The following CLASP1 variants were observed in gnomAD, a reference collection of about 807,000 sequenced individuals.
The protein encoded by CLASP1 is CLIP-associating protein 1.
In CLASP1, 38 loss-of-function variants were observed where a neutral mutation model predicts 192.3. The ratio of observed to expected loss-of-function variants is 0.20; its 90% CI spans 0.15 to 0.26. The LOEUF (loss-of-function observed/expected upper bound fraction) is 0.26. CLASP1 is among the 10% of genes least tolerant of loss of function. The probability of loss-of-function intolerance (pLI) is 1.00; values close to 1 mark genes in which losing one functional copy is unlikely to be tolerated. For synonymous variants in CLASP1, 691 were observed against 712.8 expected (o/e 0.97, Z 0.49); for missense variants, 1,433 against 1,932.5 (o/e 0.74, Z 4.85).
At chr2:121,511,883 A>C (rs1008942370) in intron 7 of CLASP1, among the ~76,000 whole-genome samples, 3 of 152,214 alleles carry the variant, frequency 2.0e-5, no homozygotes, top group African/African-American at 7.2e-5. Context: ...GTGATGTCTC[A>C]GAGCAATTTA....
intron 9 of CLASP1, among the ~76,000 whole-genome samples, chr2:121,463,158 T>C (rs1262060382): frequency 6.6e-6 from 1 of 152,208 alleles, no homozygotes; most frequent in Non-Finnish European, 1.5e-5. Flanking sequence ...TAAGATGCTT[T>C]GTATAATTAA....
chr2:121,581,161 C>A (rs1439146281), intron 2 of CLASP1, among the ~76,000 whole-genome samples: 1 of 151,826 alleles, frequency 6.6e-6, no homozygotes, highest in South Asian at 2.1e-4. Context: ...CACAGGCAGA[C>A]CAGCATTCCA....
rs2064247825 is a variant in CLASP1 at position 121,350,934 on chromosome 2, G to A, written c.4207-2216C>T. On this transcript the variant is annotated intron_variant, in intron 37 of 39. Coordinates refer to ENST00000263710, the Ensembl canonical transcript of CLASP1. ...TTAGGCTGGTGCAAAATTAGTTGCA[G>A]TTTTTACCATTACAATATAACCTTT... is the stretch of plus-strand genomic sequence containing the variant. Among the ~76,000 whole-genome samples the A allele has an allele frequency of 5.9e-5, 9 of 152,222 alleles. No homozygotes were observed. In the South Asian group the frequency reaches 1.9e-3, roughly 31 times the overall value.
At chr2:121,530,669 G>A (rs1000198867) in intron 2 of CLASP1, 7 of 513,110 alleles carry the variant, frequency 1.4e-5, no homozygotes, top group African/African-American at 1.3e-4. Context: ...TTTTCGAGCG[G>A]CCGACGCGCG....
chr2:121,341,452 T>A (rs1236360195), intron 39 of CLASP1, among the ~76,000 whole-genome samples: 1 of 152,194 alleles, frequency 6.6e-6, no homozygotes, highest in African/African-American at 2.4e-5. Flanking sequence ...GACAGTACTT[T>A]AAATGTAAAT....
chr2:121,634,120 G>A (rs1188833406), intron 1 of CLASP1, among the ~76,000 whole-genome samples: 1 of 152,054 alleles, frequency 6.6e-6, no homozygotes, highest in Admixed American at 6.6e-5. Flanking sequence ...CCCCAGCTTA[G>A]GATCCCATCC....
At chr2:121,545,553 G>A (rs368943965) in intron 2 of CLASP1, among the ~76,000 whole-genome samples, 1 of 152,018 alleles carries the variant, frequency 6.6e-6, no homozygotes, top group Non-Finnish European at 1.5e-5. Context: ...AAATCTGGTC[G>A]GTTCTGTTAT....
intron 37 of CLASP1, among the ~76,000 whole-genome samples, chr2:121,360,975 A>C (rs1041454010): frequency 6.6e-6 from 1 of 152,232 alleles, no homozygotes. Flanking sequence ...GAAAAAAAAA[A>C]ATCTCCCAAG....
chr2:121,478,825 ACACAC>A (rs2092146329), intron 8 of CLASP1, among the ~76,000 whole-genome samples: 1 of 7,036 alleles, frequency 1.4e-4, no homozygotes, highest in African/African-American at 5.4e-4. Context: ...ACACACAACC[ACACAC>A]CACACACCAC....
chr2:121,432,215 C>T (rs929021642), intron 19 of CLASP1, among the ~76,000 whole-genome samples: 1 of 152,166 alleles, frequency 6.6e-6, no homozygotes, highest in Non-Finnish European at 1.5e-5. Context: ...CTCCTGGGAT[C>T]AAGCGATTCT....
intron 7 of CLASP1, among the ~76,000 whole-genome samples, chr2:121,510,072 C>T (rs1289033797): frequency 6.6e-6 from 1 of 152,138 alleles, no homozygotes; most frequent in East Asian, 1.9e-4. Context: ...TTATGGAATA[C>T]AGCTAAAGCA....
chr2:121,472,961 T>G (rs755627689), intron 8 of CLASP1, among the ~76,000 whole-genome samples: 4 of 152,176 alleles, frequency 2.6e-5, no homozygotes, highest in Non-Finnish European at 5.9e-5. Flanking sequence ...CTTATCTGAT[T>G]TGCCAAAACA....
chr2:121,442,861 A>T (rs2083589116), intron 19 of CLASP1, among the ~76,000 whole-genome samples: 1 of 151,806 alleles, frequency 6.6e-6, no homozygotes, highest in African/African-American at 2.4e-5. Context: ...TAAGAGACTT[A>T]TTAATAAATT....
chr2:121,519,606 C>G (rs2094410214), intron 6 of CLASP1, among the ~76,000 whole-genome samples: 1 of 152,186 alleles, frequency 6.6e-6, no homozygotes. Context: ...AGGCTGAAAC[C>G]AGCTTTATGC....
chr2:121,376,339 T>C (rs1173314287), intron 34 of CLASP1, among the ~76,000 whole-genome samples: 1 of 152,160 alleles, frequency 6.6e-6, no homozygotes, highest in Non-Finnish European at 1.5e-5. Context: ...TGGAATACTA[T>C]TCAGCCATAA....
At chr2:121,576,861 C>A (rs1201802090) in intron 2 of CLASP1, among the ~76,000 whole-genome samples, 1 of 152,048 alleles carries the variant, frequency 6.6e-6, no homozygotes, top group African/African-American at 2.4e-5. Flanking sequence ...ATAGAAGAAT[C>A]ACAGCTAATA....
At chr2:121,516,376 T>C (rs1211321625) in intron 6 of CLASP1, among the ~76,000 whole-genome samples, 2 of 152,200 alleles carry the variant, frequency 1.3e-5, no homozygotes, top group East Asian at 3.9e-4. Flanking sequence ...AAGAAACCAC[T>C]GCGAAGTGCT....
At chr2:121,437,743 G>A (rs975951583) in intron 19 of CLASP1, among the ~76,000 whole-genome samples, 1 of 152,158 alleles carries the variant, frequency 6.6e-6, no homozygotes, top group African/African-American at 2.4e-5. Flanking sequence ...AAATAGGCTT[G>A]GGCTTTCTGT....
intron 27 of CLASP1, 94 bp downstream of exon 28, chr2:121,401,774 T>C: frequency 1.0e-6 from 1 of 991,060 alleles, no homozygotes; most frequent in Non-Finnish European, 1.6e-6. Context: ...GCCCAGACTC[T>C]TGTAACTTAG....
Sources: gnomAD v4.1 joint callset for allele counts (sites outside exome capture counted in the v4.1 genomes callset) on GRCh38, gnomAD v4.1.1 for gene constraint, MANE v1.5 for transcripts, NCBI Gene and HGNC (gene_info 2026-07-23, HGNC 2026-07-21) for gene names.